MRPS15: variants seen among roughly 807,000 people sequenced by gnomAD.
MRPS15 encodes small ribosomal subunit protein uS15m.
A neutral mutation model predicts 30.7 loss-of-function variants in MRPS15; 25 were observed. The observed-to-expected ratio is 0.81, with a 90% CI of 0.59 to 1.14. MRPS15 has a LOEUF of 1.14. MRPS15 is among the 50% of genes most tolerant of loss of function. The pLI is 0.00. For missense variants in MRPS15, 313 were observed against 321.7 expected, an observed-to-expected ratio of 0.97 and a Z score of 0.21; for synonymous variants, 124 against 120.1, an observed-to-expected ratio of 1.03 and a Z score of -0.21.
chr1:36,457,004 T>C (rs61345371), intron 6 of MRPS15, among the ~76,000 whole-genome samples: 15,832 of 152,196 alleles, frequency 0.1, 975 homozygotes, highest in East Asian at 0.29. Flanking sequence ...TGGCTGGCCA[T>C]GGTGGCTCAC....
chr1:36,463,679 G>T, intron 2 of MRPS15, 127 bp downstream of exon 2: 1 of 1,077,796 alleles, frequency 9.3e-7, no homozygotes, highest in Non-Finnish European at 1.3e-6. Flanking sequence ...TGGACGTGGG[G>T]TCTTTTGCTC....
chr1:36,458,082 G>C lies in MRPS15; in HGVS notation c.386-101C>G. The C allele has an allele frequency of 2.3e-6, 2 of 872,442 alleles. No homozygotes were observed. Among genetic ancestry groups the C allele is most frequent in the South Asian group, 2.8e-5 (2 of 70,522 alleles). The allele number at this position is 872,442 out of a possible 1,614,324, so 54.0% of individuals were successfully genotyped here. On this transcript the variant is annotated intron_variant, in intron 5 of 7. Coordinates refer to ENST00000373116, the MANE Select transcript of MRPS15 (RefSeq NM_031280.4). This position sits in a 1 kb window ranked among gnomAD's most constrained non-coding sequence, Gnocchi z 4.5. ...AACTCAAGGAATAACAATCACCAAT[G>C]CTCTGTACAGCTCTCTATAAATCCC...
At chr1:36,461,902 G>C (rs1041507541) in intron 3 of MRPS15, among the ~76,000 whole-genome samples, 186 bp downstream of exon 3, 3 of 152,218 alleles carry the variant, frequency 2.0e-5, no homozygotes, top group African/African-American at 7.2e-5. Context: ...AAGTAGCCGA[G>C]CTCCATGAGT....
At chr1:36,462,250 C>T in intron 2 of MRPS15, 87 bp from the exon 3 acceptor site, 1 of 961,460 alleles carries the variant, frequency 1.0e-6, no homozygotes, top group Non-Finnish European at 1.6e-6. Flanking sequence ...ACCCACTCTC[C>T]AACTCCAGAA....
Position 36,455,824 on chromosome 1 carries a change from G to A in MRPS15, c.738C>T (p.Ala246=). ...CTTTGAGTGTCTTTGGTATGGCTTT[G>A]GCAGGGCTGTCTGGGTTCCTCCGCT... is the stretch of plus-strand genomic sequence containing the variant. ...QAKRRNPDSP[A]KAIPKTLKDS... is the part of the protein sequence containing the mutation. Residue 246 remains alanine, a synonymous_variant, in exon 8 of 8, where the codon GCC becomes GCT. Transcript: ENST00000373116. 1 of 1,614,170 alleles carries A rather than the reference G, an allele frequency of 6.2e-7. No individual in the cohort carries two copies. Among genetic ancestry groups the A allele is most frequent in the Admixed American group, 1.7e-5 (1 of 60,028 alleles).
intron 6 of MRPS15, 48 bp downstream of exon 6, chr1:36,457,875 T>C (rs933989612): frequency 6.3e-7 from 1 of 1,589,656 alleles, no homozygotes; most frequent in African/African-American, 1.3e-5. Context: ...CCGGACCCCT[T>C]TCCCCCAGGC....
At chr1:36,457,626 G>T (rs1214348732) in intron 6 of MRPS15, among the ~76,000 whole-genome samples, 2 of 152,174 alleles carry the variant, frequency 1.3e-5, no homozygotes, top group African/African-American at 4.8e-5. Flanking sequence ...AGCTACTTAA[G>T]TGGAAGTGGC....
In MRPS15 at chr1:36,461,218, AGAG is replaced by A. The variant is rs1314649843; in HGVS notation, c.300+43_300+45del. 8 of 1,597,608 alleles carry A rather than the reference AGAG, an allele frequency of 5.0e-6. No individual in the cohort carries two copies. In the Admixed American group the frequency reaches 6.7e-5, roughly 13 times the overall value. ...GCTAATCAGGGTAGAAGGGAGTCCC[AGAG>A]GAGAAGACTGCGGGAGGCTGAGGCT... is the stretch of plus-strand genomic sequence containing the variant. On this transcript the variant is annotated intron_variant, in intron 4 of 7. Coordinates refer to ENST00000373116, the MANE Select transcript of MRPS15 (RefSeq NM_031280.4).
At chr1:36,459,868 CAG>C (rs1269623143) in intron 5 of MRPS15, among the ~76,000 whole-genome samples, 1 of 152,112 alleles carries the variant, frequency 6.6e-6, no homozygotes, top group Admixed American at 6.5e-5. Context: ...AAACTGCACC[CAG>C]AGAGAGGGGG....
In MRPS15 at chr1:36,457,237, C is replaced by T. The variant is rs990249687; in HGVS notation, c.444+686G>A. Among the ~76,000 whole-genome samples, 170 of 151,402 alleles carry T rather than the reference C, an allele frequency of 1.1e-3. 1 individual carries two copies. Among genetic ancestry groups the T allele is most frequent in the Admixed American group, 0.011 (167 of 15,214 alleles). On this transcript the variant is annotated intron_variant, in intron 6 of 7. Transcript: ENST00000373116. The stretch of plus-strand genomic sequence containing the variant: ...CCTGCAGTGAGCCGAGATCGCACCT[C>T]TGCACTCCAGCCTGGGTGACAGAGC...
At chr1:36,461,966 T>A in intron 3 of MRPS15, 122 bp downstream of exon 3, 8 of 784,746 alleles carry the variant, frequency 1.0e-5, no homozygotes, top group African/African-American at 1.7e-5. Context: ...CCTGGGCCCC[T>A]GCCTCCTTCT....
chr1:36,456,103 A>G, intron 7 of MRPS15, 84 bp downstream of exon 7: 1 of 1,516,460 alleles, frequency 6.6e-7, no homozygotes, highest in East Asian at 2.3e-5. Context: ...CATGCCTCTA[A>G]CAGAAACAGA....
At chr1:36,462,795 G>C (rs553658741) in intron 2 of MRPS15, among the ~76,000 whole-genome samples, 1 of 152,338 alleles carries the variant, frequency 6.6e-6, no homozygotes, top group Admixed American at 6.5e-5. Flanking sequence ...TAGGGAGGCA[G>C]AAAAGAATTA....
chr1:36,456,794 T>C (rs1175214904), intron 6 of MRPS15, among the ~76,000 whole-genome samples: 1 of 152,214 alleles, frequency 6.6e-6, no homozygotes, highest in Non-Finnish European at 1.5e-5. Flanking sequence ...ACCTCTGCAG[T>C]AGGGCTGCTG....
chr1:36,460,852 C>A (rs1650083903), intron 4 of MRPS15, 76 bp from the exon 5 acceptor site: 2 of 1,230,506 alleles, frequency 1.6e-6, no homozygotes, highest in Non-Finnish European at 2.4e-6. Context: ...CCCCAAGGGC[C>A]CTGGCTACAG....
intron 1 of MRPS15, 57 bp from the exon 2 acceptor site, chr1:36,463,907 C>G (rs1488591252): frequency 1.3e-6 from 2 of 1,568,560 alleles, no homozygotes; most frequent in East Asian, 2.3e-5. Context: ...CCCCTCAGTT[C>G]CTTTCTGTGC....
rs201893903 is a variant in MRPS15 at position 36,463,855 on chromosome 1, G to A, written c.131-5C>T. The A allele has an allele frequency of 8.1e-6, 13 of 1,611,708 alleles. No homozygotes were observed. The East Asian group carries it at 1.8e-4, about 22-fold the overall frequency. On this transcript the variant is annotated splice_region_variant and splice_polypyrimidine_tract_variant and intron_variant, in intron 1 of 7. Coordinates refer to ENST00000373116, the MANE Select transcript of MRPS15 (RefSeq NM_031280.4). ...GCGCGGCCTGGAGGAGGAGACCTACGCAGAAAAGAGAGGGCTGAGGACCAT... is the reference window on the plus strand; with the variant it reads ...GCGCGGCCTGGAGGAGGAGACCTACACAGAAAAGAGAGGGCTGAGGACCAT...
At chr1:36,457,498 A>T (rs1178403220) in intron 6 of MRPS15, among the ~76,000 whole-genome samples, 4 of 152,208 alleles carry the variant, frequency 2.6e-5, no homozygotes, top group African/African-American at 9.7e-5. Flanking sequence ...TATGCATCAC[A>T]TTGGCTGTTA....
Position 36,456,239 on chromosome 1 carries a change from TAC to T in MRPS15, c.582_583del (p.Tyr195LeufsTer?). On this transcript the variant is annotated frameshift_variant, in exon 7 of 8. Coordinates refer to ENST00000373116, the MANE Select transcript of MRPS15 (RefSeq NM_031280.4). LOFTEE classifies it high-confidence loss of function. ...GAATCGGCGGTGGGCTCTTCGGTAA[TAC>T]AGAGGGGGGAAGGTGTACTCAATTC... The T allele has an allele frequency of 6.2e-7, 1 of 1,613,946 alleles. No individual in the cohort carries two copies. The highest frequency in any genetic ancestry group is 8.5e-7 in the Non-Finnish European group (1 of 1,179,986).
Sources: allele counts gnomAD v4.1 joint callset (sites outside exome capture counted in the v4.1 genomes callset), GRCh38; gene constraint gnomAD v4.1.1; non-coding constraint Gnocchi (gnomAD v3.1); transcripts MANE v1.5; gene names NCBI Gene and HGNC (gene_info 2026-07-23, HGNC 2026-07-21).